AXIN1: variants seen among roughly 807,000 people sequenced by gnomAD.
The protein encoded by AXIN1 is axin 1, also known as axin-1.
In AXIN1, 30 loss-of-function variants were observed where a neutral mutation model predicts 76.4. The ratio of observed to expected loss-of-function variants is 0.39; its 90% CI spans 0.29 to 0.53. AXIN1 has a LOEUF of 0.53. Ranked by LOEUF, AXIN1 falls within the 20% of genes least tolerant of loss-of-function variation. The pLI is 0.66. For missense variants in AXIN1, 1,140 were observed against 1,198.8 expected (o/e 0.95, Z 0.72); for synonymous variants, 545 against 501.4 (o/e 1.09, Z -1.16).
chr16:295,390 C>T lies in AXIN1; in HGVS notation c.1955+1666G>A, dbSNP rs1295342245. On this transcript the variant is annotated intron_variant, in intron 7 of 10. Coordinates refer to ENST00000262320, the MANE Select transcript of AXIN1 (RefSeq NM_003502.4). ...CTCCCAAAGTGCTGGGATGAGGCTT[C>T]TTTTTTTACATTTTATTTTTAACAG... Among the ~76,000 whole-genome samples, 9 of 151,812 alleles carry T rather than the reference C, an allele frequency of 5.9e-5. No individual in the cohort carries two copies. In the South Asian group the frequency reaches 1.9e-3, roughly 32 times the overall value.
intron 10 of AXIN1, 108 bp from the exon 11 acceptor site, chr16:288,356 C>T: frequency 6.5e-7 from 1 of 1,529,328 alleles, no homozygotes. Context: ...AGCCTCCTGT[C>T]CATGCCCCAC....
rs146090501 is a variant in AXIN1, at chr16:351,471, G to A, written c.-82+898C>T. Among the ~76,000 whole-genome samples, 604 of 152,084 alleles carry A rather than the reference G, an allele frequency of 4.0e-3. 2 individuals carry two copies. The highest frequency in any genetic ancestry group is 6.0e-3 in the Non-Finnish European group (410 of 67,986). On this transcript the variant is annotated intron_variant, in intron 1 of 10. Coordinates refer to ENST00000262320, the MANE Select transcript of AXIN1 (RefSeq NM_003502.4). The stretch of plus-strand genomic sequence containing the variant: ...CTAAAAATACAAAAATTAGCCGGAT[G>A]TGGTGGCGCATGCCTGTTATCCCAG...
chr16:332,443 G>A lies in AXIN1; in HGVS notation c.878+13705C>T, dbSNP rs111925017. Among the ~76,000 whole-genome samples the A allele has an allele frequency of 3.8e-4, 58 of 152,038 alleles. 2 individuals are homozygous for A. Among genetic ancestry groups the A allele is most frequent in the Admixed American group, 1.4e-3 (22 of 15,268 alleles). On this transcript the variant is annotated intron_variant, in intron 2 of 10. Transcript: ENST00000262320. ...ATACAAAAAATTAGCTGGGCGTGGT[G>A]GCGGGCGCCTGTAGTCCCAGCTCTA...
intron 10 of AXIN1, among the ~76,000 whole-genome samples, chr16:289,053 A>T (rs2052474182): frequency 1.3e-5 from 2 of 149,488 alleles, no homozygotes; most frequent in Non-Finnish European, 3.0e-5. Context: ...GAGGGACATG[A>T]GCTGAAATGG....
intron 2 of AXIN1, among the ~76,000 whole-genome samples, chr16:345,096 C>T (rs1039991271): frequency 6.6e-6 from 1 of 151,532 alleles, no homozygotes; most frequent in Non-Finnish European, 1.5e-5. Context: ...GATGCCAGCC[C>T]GAAAGCCAAA....
At chr16:330,130 A>G (rs554154893) in intron 2 of AXIN1, among the ~76,000 whole-genome samples, 2 of 149,552 alleles carry the variant, frequency 1.3e-5, no homozygotes, top group East Asian at 2.0e-4. Flanking sequence ...GCACATTCAC[A>G]GCTCACTGCA....
At chr16:289,759 C>T in intron 9 of AXIN1, 152 bp from the exon 10 acceptor site, 1 of 916,412 alleles carries the variant, frequency 1.1e-6, no homozygotes, top group Non-Finnish European at 1.7e-6. Flanking sequence ...AGCCCCCGCA[C>T]AGCATCTCAA....
rs2141545469 is a variant in AXIN1 at position 304,334 on chromosome 16, C to A, written c.1224G>T (p.Lys408Asn). The change falls in exon 5 of 11, where the codon AAG (lysine) becomes AAT (asparagine). Residue 408 changes from lysine to asparagine, a missense_variant. By Grantham distance (94) the Lys-to-Asn change is moderately conservative. This residue lies in a region of AXIN1 where 708 missense variants were observed against 776.9 expected (regional missense o/e 0.91). Transcript: ENST00000262320. The part of the protein sequence containing the change: ...AVQRTREAEE[K>N]LEERLKRVRM... The stretch of plus-strand genomic sequence containing the variant: ...GCACGCGCTTCAGCCGCTCCTCCAG[C>A]TTCTCCTCGGCCTCCCGCGTGCGCT... 1 of 1,612,496 alleles carries A rather than the reference C, an allele frequency of 6.2e-7. No homozygotes were observed. The highest frequency in any genetic ancestry group is 8.5e-7 in the Non-Finnish European group (1 of 1,179,870).
intron 2 of AXIN1, among the ~76,000 whole-genome samples, chr16:330,694 G>A (rs2141655181): frequency 6.6e-6 from 1 of 152,338 alleles, no homozygotes; most frequent in East Asian, 1.9e-4. Context: ...AACACTTTAT[G>A]TAATGAAGAG....
intron 1 of AXIN1, 70 bp downstream of exon 1, chr16:352,299 C>CCG (rs2054162745): frequency 2.2e-6 from 2 of 919,730 alleles, no homozygotes; most frequent in Admixed American, 1.3e-4. Context: ...CCCGCGCCCC[C>CCG]CGCCGCTTCC....
At chr16:339,803 A>C (rs2053879972) in intron 2 of AXIN1, among the ~76,000 whole-genome samples, 1 of 152,172 alleles carries the variant, frequency 6.6e-6, no homozygotes, top group Admixed American at 6.5e-5. Flanking sequence ...GCTCACAAGC[A>C]CCTCTGCCCC....
At chr16:335,372 G>A (rs1460566576) in intron 2 of AXIN1, among the ~76,000 whole-genome samples, 2 of 152,036 alleles carry the variant, frequency 1.3e-5, no homozygotes, top group Non-Finnish European at 2.9e-5. Flanking sequence ...CAGTACCACA[G>A]CATGCCAATA....
At position 293,695 on chromosome 16, in the gene AXIN1, T is replaced by C. The variant is rs1460829424; in HGVS notation, c.1979A>G (p.Gln660Arg). 2 of 1,613,668 alleles carry C rather than the reference T, an allele frequency of 1.2e-6. No homozygotes were observed. The highest frequency in any genetic ancestry group is 2.2e-5 in the East Asian group (1 of 44,862). ...CAAGGGTCTGGAGTTCTCATGGGGCTGTGGCTTCCTCGTCCCCGAAGACCT... is the reference window on the plus strand; with the variant it reads ...CAAGGGTCTGGAGTTCTCATGGGGCCGTGGCTTCCTCGTCCCCGAAGACCT... Reference protein sequence around the residue: ...GHGSSGTRKPQPHENSRPLSL... With the variant: ...GHGSSGTRKPRPHENSRPLSL... The change falls in exon 8 of 11, where the codon CAG becomes CGG. Residue 660 changes from glutamine (Q) to arginine (R), a missense_variant. Physicochemically the swap from Gln to Arg is conservative, Grantham distance 43 (BLOSUM62 1). This residue lies in a region of AXIN1 where 429 missense variants were observed against 405.8 expected (regional missense o/e 1.06). Coordinates refer to ENST00000262320, the MANE Select transcript of AXIN1 (RefSeq NM_003502.4). The surrounding 1 kb of genome is among the most constrained non-coding windows in gnomAD (Gnocchi z 4.6).
intron 4 of AXIN1, among the ~76,000 whole-genome samples, chr16:304,831 G>C (rs548867263): frequency 6.6e-6 from 1 of 152,188 alleles, no homozygotes; most frequent in African/African-American, 2.4e-5. Flanking sequence ...CACCGGGCCC[G>C]GCCTTTGTTG....
intron 1 of AXIN1, among the ~76,000 whole-genome samples, chr16:352,111 C>T (rs960143887): frequency 6.6e-6 from 1 of 152,018 alleles, no homozygotes; most frequent in Non-Finnish European, 1.5e-5. Context: ...GGGCTCCAGG[C>T]CCGGCTCTCC....
At chr16:304,207 A>G (rs2141543707) in intron 5 of AXIN1, 97 bp downstream of exon 5, 2 of 1,587,874 alleles carry the variant, frequency 1.3e-6, no homozygotes, top group Non-Finnish European at 8.5e-7. Context: ...GGCCTCGGCC[A>G]GCCCCGGGCA....
In AXIN1 at chr16:303,008, T is replaced by A. The variant is rs1597012618; in HGVS notation, c.1254+1296A>T. Among the ~76,000 whole-genome samples the A allele has an allele frequency of 7.9e-5, 12 of 152,220 alleles. 3 individuals carry two copies. The South Asian group carries it at 2.5e-3, about 32-fold the overall frequency. On this transcript the variant is annotated intron_variant, in intron 5 of 10. Transcript: ENST00000262320. ...TCCTGAATACCTGGGACCACAGGTGTGTGCCACCACGCCCAGCTAATTTTG... is the reference window on the plus strand; with the variant it reads ...TCCTGAATACCTGGGACCACAGGTGAGTGCCACCACGCCCAGCTAATTTTG...
intron 7 of AXIN1, among the ~76,000 whole-genome samples, chr16:295,960 C>G (rs565714957): frequency 3.4e-4 from 45 of 131,928 alleles, no homozygotes; most frequent in African/African-American, 1.3e-3. Context: ...GAGCTAGACT[C>G]CGTCTCAAAA....
In AXIN1 at chr16:297,118, T is replaced by C; in HGVS notation, c.1893A>G (p.Lys631=). The C allele has an allele frequency of 6.2e-7, 1 of 1,612,790 alleles. No individual in the cohort carries two copies. Among genetic ancestry groups the C allele is most frequent in the Non-Finnish European group, 8.5e-7 (1 of 1,179,936 alleles). ...CCCCCTCAATGATCCACTGCATGAT[T>C]TTCTGGTTCTTCTCCGCATCCTCCG... The part of the protein sequence containing the change: ...GASEDAEKNQ[K]IMQWIIEGEK... Residue 631 remains lysine, a synonymous_variant, in exon 7 of 11, where the codon AAA becomes AAG. Coordinates refer to ENST00000262320, the MANE Select transcript of AXIN1 (RefSeq NM_003502.4).
Sources: allele counts gnomAD v4.1 joint callset (sites outside exome capture counted in the v4.1 genomes callset), GRCh38; gene constraint gnomAD v4.1.1; regional missense constraint gnomAD v4.1.1; non-coding constraint Gnocchi (gnomAD v3.1); transcripts MANE v1.5; gene names NCBI Gene and HGNC (gene_info 2026-07-23, HGNC 2026-07-21).